Variants in BAG3 observed in about 807,000 individuals in gnomAD.
BAG3 encodes the protein BAG cochaperone 3.
A neutral mutation model predicts 40.5 loss-of-function variants in BAG3; 14 were observed. That is an observed-to-expected ratio of 0.35 (90% CI 0.23 to 0.54). The LOEUF (loss-of-function observed/expected upper bound fraction) is 0.54. BAG3 is among the 20% of genes least tolerant of loss of function. The pLI is 0.91. For synonymous variants in BAG3, 302 were observed against 307.8 expected, an observed-to-expected ratio of 0.98 and a Z score of 0.20; for missense variants, 788 against 758.6, an observed-to-expected ratio of 1.04 and a Z score of -0.46.
At chr10:119,665,458 T>A (rs550978365) in intron 1 of BAG3, among the ~76,000 whole-genome samples, 2 of 152,148 alleles carry the variant, frequency 1.3e-5, no homozygotes, top group South Asian at 2.1e-4. Flanking sequence ...GTATTTTTTT[T>A]AGTGAAGATG....
chr10:119,653,930 G>A (rs1255855128), intron 1 of BAG3, among the ~76,000 whole-genome samples: 1 of 152,196 alleles, frequency 6.6e-6, no homozygotes, highest in Non-Finnish European at 1.5e-5. Flanking sequence ...AAGTTATTGG[G>A]TCACTGACCT....
chr10:119,674,284 A>T (rs1847189921), intron 3 of BAG3, among the ~76,000 whole-genome samples: 1 of 152,224 alleles, frequency 6.6e-6, no homozygotes, highest in African/African-American at 2.4e-5. Flanking sequence ...TGCATTGGCG[A>T]AAGAGATTTG....
At chr10:119,655,875 C>T (rs1481939408) in intron 1 of BAG3, among the ~76,000 whole-genome samples, 3 of 151,908 alleles carry the variant, frequency 2.0e-5, no homozygotes, top group Admixed American at 6.6e-5. Flanking sequence ...GGAGCCTGTA[C>T]ACAGGACCTG....
At position 119,669,888 on chromosome 10, in the gene BAG3, G is replaced by C. The variant is rs1022153640; in HGVS notation, c.218G>C (p.Gly73Ala). ...PSSANGPSRE[G>A]SRLPPAREGH... Reference sequence around the variant, plus strand: ...TCTGCCAATGGCCCTTCCCGGGAGGGCTCTAGGCTGCCGCCTGCTAGGGAA... The same window carrying C: ...TCTGCCAATGGCCCTTCCCGGGAGGCCTCTAGGCTGCCGCCTGCTAGGGAA... The change falls in exon 2 of 4, where the codon GGC becomes GCC. Residue 73 changes from glycine (G) to alanine (A), a missense_variant. By Grantham distance (60) the Gly-to-Ala change is moderately conservative (BLOSUM62 0). Coordinates refer to ENST00000369085, the MANE Select transcript of BAG3 (RefSeq NM_004281.4). 1 of 1,614,174 alleles carries C rather than the reference G, an allele frequency of 6.2e-7. No homozygotes were observed. The highest frequency in any genetic ancestry group is 8.5e-7 in the Non-Finnish European group (1 of 1,180,030).
chr10:119,672,250 T>C lies in BAG3; in HGVS notation c.508-5T>C. 1 of 1,612,612 alleles carries C rather than the reference T, an allele frequency of 6.2e-7. No individual in the cohort carries two copies. The highest frequency in any genetic ancestry group is 2.2e-5 in the East Asian group (1 of 44,884). Reference sequence around the variant, plus strand: ...GTCATGCCCTCTACCCTGTGTCTCTTGCAGCGGTCCCAGTCTCCAGCTGCC... The same window carrying C: ...GTCATGCCCTCTACCCTGTGTCTCTCGCAGCGGTCCCAGTCTCCAGCTGCC... On this transcript the variant is annotated splice_region_variant and splice_polypyrimidine_tract_variant and intron_variant, in intron 2 of 3. Transcript: ENST00000369085. This position sits in a 1 kb window ranked among gnomAD's most constrained non-coding sequence, Gnocchi z 4.8.
intron 1 of BAG3, among the ~76,000 whole-genome samples, chr10:119,666,327 C>A (rs1011358440): frequency 6.6e-6 from 1 of 152,134 alleles, no homozygotes; most frequent in African/African-American, 2.4e-5. Flanking sequence ...CCAAGCCTGC[C>A]CCTTGCCACT....
Position 119,670,134 on chromosome 10 carries a change from C to A in BAG3, c.464C>A (p.Ala155Glu). The change falls in exon 2 of 4, where the codon GCA becomes GAA. Residue 155 changes from alanine (A) to glutamate (E), a missense_variant. Physicochemically the swap from Ala to Glu is moderately radical, Grantham distance 107 (BLOSUM62 -1). Transcript: ENST00000369085. ...TQPDKQCGQV[A>E]AAAAAQPPAS... ...CCAGATAAACAGTGTGGACAGGTGG[C>A]AGCGGCGGCGGCAGCCCAGCCCCCA... 1 of 1,612,554 alleles carries A rather than the reference C, an allele frequency of 6.2e-7. No homozygotes were observed. Among genetic ancestry groups the A allele is most frequent in the Non-Finnish European group, 8.5e-7 (1 of 1,179,330 alleles).
Position 119,675,830 on chromosome 10 carries a change from TC to T in BAG3, c.910-629del, listed in dbSNP as rs1307613726. On this transcript the variant is annotated intron_variant, in intron 3 of 3. Coordinates refer to ENST00000369085, the MANE Select transcript of BAG3 (RefSeq NM_004281.4). ...CCCCCTTCCCTGCTTCCTTCCCCCT[TC>T]CCCCTTCCCTCCTTCCTTCCTGCCC... Among the ~76,000 whole-genome samples the T allele has an allele frequency of 3.8e-4, 14 of 36,882 alleles. No individual in the cohort carries two copies. In the East Asian group the frequency reaches 0.015, roughly 39 times the overall value. 24.2% of individuals were successfully genotyped at this position (36,882 alleles called of 152,430 possible).
intron 2 of BAG3, among the ~76,000 whole-genome samples, chr10:119,670,733 C>CTGCCTTTA (rs1847138781): frequency 6.6e-6 from 1 of 152,210 alleles, no homozygotes; most frequent in South Asian, 2.1e-4. Flanking sequence ...TGCTTTAAGA[C>CTGCCTTTA]AGCATTTTAA....
intron 2 of BAG3, among the ~76,000 whole-genome samples, chr10:119,670,974 G>T (rs574129199): frequency 5.9e-5 from 9 of 152,208 alleles, no homozygotes; most frequent in African/African-American, 2.2e-4. Context: ...TTGCCTCTCA[G>T]CTCCGTCTGA....
chr10:119,672,244 GTC>G lies in BAG3; in HGVS notation c.508-7_508-6del, dbSNP rs1847159732. ...TGTGGGGTCATGCCCTCTACCCTGT[GTC>G]TCTTGCAGCGGTCCCAGTCTCCAGC... On this transcript the variant is annotated splice_polypyrimidine_tract_variant and intron_variant, in intron 2 of 3. Coordinates refer to ENST00000369085, the MANE Select transcript of BAG3 (RefSeq NM_004281.4). This position sits in a 1 kb window ranked among gnomAD's most constrained non-coding sequence, Gnocchi z 4.8. 1 of 1,612,186 alleles carries G rather than the reference GTC, an allele frequency of 6.2e-7. No homozygotes were observed. Among genetic ancestry groups the G allele is most frequent in the Non-Finnish European group, 8.5e-7 (1 of 1,180,014 alleles).
At position 119,673,130 on chromosome 10, in the gene BAG3, C is replaced by T. The variant is rs190328800; in HGVS notation, c.909+474C>T. On this transcript the variant is annotated intron_variant, in intron 3 of 3. Coordinates refer to ENST00000369085, the MANE Select transcript of BAG3 (RefSeq NM_004281.4). The stretch of plus-strand genomic sequence containing the variant: ...TGCTGAACCCGCTCCCTGAAATGCC[C>T]GCACAGTATAGGTTCTCCCTGTCCT... 3.1e-4 allele frequency among the ~76,000 whole-genome samples: 47 copies of T among 152,258 alleles called. 2 individuals are homozygous for T. Among genetic ancestry groups the T allele is most frequent in the African/African-American group, 2.4e-4 (10 of 41,540 alleles).
intron 1 of BAG3, among the ~76,000 whole-genome samples, chr10:119,662,887 C>T (rs1458027950): frequency 6.6e-6 from 1 of 152,162 alleles, no homozygotes; most frequent in Non-Finnish European, 1.5e-5. Context: ...TGGTGGCGGG[C>T]ACCTGTAGTC....
At chr10:119,659,300 T>C (rs1195685838) in intron 1 of BAG3, among the ~76,000 whole-genome samples, 1 of 150,794 alleles carries the variant, frequency 6.6e-6, no homozygotes, top group Non-Finnish European at 1.5e-5. Flanking sequence ...TTACTCAGCC[T>C]CAGCTCCTCA....
intron 1 of BAG3, among the ~76,000 whole-genome samples, chr10:119,663,790 A>C (rs1034393384): frequency 6.6e-6 from 1 of 152,192 alleles, no homozygotes. Context: ...CAGGCCACGC[A>C]GAGTGTCAGA....
chr10:119,665,913 A>G (rs1229718307), intron 1 of BAG3, among the ~76,000 whole-genome samples: 1 of 152,194 alleles, frequency 6.6e-6, no homozygotes, highest in African/African-American at 2.4e-5. Flanking sequence ...AAAATGGGTC[A>G]TTAATTCACC....
chr10:119,676,396 C>A, intron 3 of BAG3, 68 bp from the exon 4 acceptor site: 1 of 1,541,170 alleles, frequency 6.5e-7, no homozygotes, highest in Non-Finnish European at 9.0e-7. Context: ...CTAATCTGTA[C>A]TAGCTACAAA....
At chr10:119,658,295 G>T (rs1846942240) in intron 1 of BAG3, among the ~76,000 whole-genome samples, 2 of 152,252 alleles carry the variant, frequency 1.3e-5, no homozygotes, top group Admixed American at 1.3e-4. Flanking sequence ...TTCAGGGTCA[G>T]TTCAGACCCC....
At chr10:119,673,413 G>C (rs866864886) in intron 3 of BAG3, among the ~76,000 whole-genome samples, 1 of 152,228 alleles carries the variant, frequency 6.6e-6, no homozygotes, top group Non-Finnish European at 1.5e-5. Context: ...CAGCTATGGC[G>C]GATTGGAAGC....
Sources: allele counts gnomAD v4.1 joint callset (sites outside exome capture counted in the v4.1 genomes callset), GRCh38; gene constraint gnomAD v4.1.1; non-coding constraint Gnocchi (gnomAD v3.1); transcripts MANE v1.5; gene names NCBI Gene and HGNC (gene_info 2026-07-23, HGNC 2026-07-21).